Variants in HIPK1 observed in about 807,000 individuals in gnomAD.
HIPK1 encodes the protein homeodomain interacting protein kinase 1.
HIPK1 carries 28 observed loss-of-function variants against 117.1 expected under a neutral mutation model. The ratio of observed to expected loss-of-function variants is 0.24; its 90% CI spans 0.18 to 0.33. HIPK1 has a LOEUF of 0.33. HIPK1 is among the 10% of genes least tolerant of loss of function. HIPK1 has a pLI of 1.00. For synonymous variants in HIPK1, 605 were observed against 562.5 expected (o/e 1.08, Z -1.07); for missense variants, 1,122 against 1,475.1 (o/e 0.76, Z 3.92).
intron 14 of HIPK1, among the ~76,000 whole-genome samples, chr1:113,970,619 C>T (rs1303517265): frequency 6.6e-6 from 1 of 151,950 alleles, no homozygotes. Flanking sequence ...TTTTTCTCAC[C>T]CAGTGTCATA....
rs1333089517 is a variant in HIPK1 at position 113,974,146 on chromosome 1, A to G, written c.*634A>G. On this transcript the variant is annotated 3_prime_UTR_variant, in exon 16 of 16. Transcript: ENST00000426820. ...GTTATTTTTGCAAAACTGGTTACGT[A>G]TTACTCTGTGTTACTATTGAGATTC... The G allele has an allele frequency of 6.6e-6, 1 of 152,260 alleles. No individual in the cohort carries two copies. Among genetic ancestry groups the G allele is most frequent in the Non-Finnish European group, 1.5e-5 (1 of 68,016 alleles). The allele number at this position is 152,260 out of a possible 1,614,324, so 9.4% of individuals were successfully genotyped here.
chr1:113,939,362 T>A (rs943281181), intron 1 of HIPK1, among the ~76,000 whole-genome samples: 1 of 151,750 alleles, frequency 6.6e-6, no homozygotes, highest in African/African-American at 2.4e-5. Context: ...GTTGTTTGTT[T>A]GTTTTAGAGA....
chr1:113,954,128 T>A (rs1671551989), intron 3 of HIPK1, among the ~76,000 whole-genome samples: 2 of 152,098 alleles, frequency 1.3e-5, no homozygotes, highest in African/African-American at 4.8e-5. Flanking sequence ...GCCTAGCTAA[T>A]TCTTTTATTT....
Position 113,929,368 on chromosome 1 carries a change from A to G in HIPK1, c.-167A>G, listed in dbSNP as rs1428046632. Reference sequence around the variant, plus strand: ...CCGTACCACCGCCAGGCACCTTTAAATCACCGCAGAGTCTGCAGTGCGGAG... The same window carrying G: ...CCGTACCACCGCCAGGCACCTTTAAGTCACCGCAGAGTCTGCAGTGCGGAG... On this transcript the variant is annotated 5_prime_UTR_variant, in exon 1 of 16. Transcript: ENST00000426820. 7.8e-7 allele frequency: 1 copy of G among 1,289,434 alleles called. No homozygotes were observed. The allele number at this position is 1,289,434 out of a possible 1,614,324, so 79.9% of individuals were successfully genotyped here. A position where few individuals can be genotyped will look rare whatever the true frequency, so the allele number is the denominator to read the frequency against.
intron 12 of HIPK1, 115 bp downstream of exon 12, chr1:113,968,063 C>A: frequency 1.1e-6 from 1 of 876,978 alleles, no homozygotes; most frequent in Admixed American, 3.1e-5. Context: ...AAGTAGCTGC[C>A]AAATTGAGGA....
At chr1:113,958,799 TA>T (rs2101373375) in intron 8 of HIPK1, among the ~76,000 whole-genome samples, 1 of 152,314 alleles carries the variant, frequency 6.6e-6, no homozygotes, top group South Asian at 2.1e-4. Context: ...TTTATTGAAC[TA>T]AAAAATCCTA....
intron 9 of HIPK1, 37 bp downstream of exon 9, chr1:113,962,475 A>G (rs1325426651): frequency 3.1e-6 from 5 of 1,595,672 alleles, no homozygotes; most frequent in Admixed American, 1.7e-5. Context: ...CAGTATTGCT[A>G]AACACTATTG....
chr1:113,942,307 C>T (rs1388483714), intron 2 of HIPK1, among the ~76,000 whole-genome samples: 2 of 152,092 alleles, frequency 1.3e-5, no homozygotes, highest in African/African-American at 4.8e-5. Flanking sequence ...GTGATCCACC[C>T]GCCTCAGCCT....
intron 8 of HIPK1, among the ~76,000 whole-genome samples, chr1:113,958,756 A>G (rs1442898874): frequency 1.3e-5 from 2 of 152,262 alleles, no homozygotes; most frequent in Non-Finnish European, 2.9e-5. Context: ...ATGTGGAAAC[A>G]TCTTAAATTA....
chr1:113,948,765 G>A (rs1671150056), intron 2 of HIPK1, among the ~76,000 whole-genome samples: 1 of 151,854 alleles, frequency 6.6e-6, no homozygotes, highest in East Asian at 1.9e-4. Context: ...GGACTTGGGG[G>A]CTGTGGAAGT....
intron 13 of HIPK1, among the ~76,000 whole-genome samples, chr1:113,969,652 G>A (rs958265830): frequency 1.3e-5 from 2 of 152,182 alleles, no homozygotes; most frequent in East Asian, 3.9e-4. Context: ...GCTCATGCCT[G>A]CAATCCTAGC....
Position 113,973,037 on chromosome 1 carries a change from C to T in HIPK1, c.3158C>T (p.Ser1053Leu), listed in dbSNP as rs1311663745. 8.6e-6 allele frequency: 13 copies of T among 1,516,078 alleles called. No homozygotes were observed. Among genetic ancestry groups the T allele is most frequent in the East Asian group, 2.3e-5 (1 of 43,986 alleles). The allele number at this position is 1,516,078 out of a possible 1,614,324, so 93.9% of individuals were successfully genotyped here. ...PLNLSQNQQS[S>L]AAPTSQERSS... ...TCTTTCTTCCAGAACCAGCAGTCATCGGCGGCTCCAACCTCACAGGAGAGA... is the reference window on the plus strand; with the variant it reads ...TCTTTCTTCCAGAACCAGCAGTCATTGGCGGCTCCAACCTCACAGGAGAGA... The change falls in exon 16 of 16, where the codon TCG becomes TTG. Residue 1053 changes from serine (S) to leucine (L), a missense_variant. Coordinates refer to ENST00000426820, the MANE Select transcript of HIPK1 (RefSeq NM_198268.3).
At position 113,971,824 on chromosome 1, in the gene HIPK1, G is replaced by A. The variant is rs746173927; in HGVS notation, c.3014G>A (p.Gly1005Asp). 1 of 1,586,906 alleles carries A rather than the reference G, an allele frequency of 6.3e-7. No individual in the cohort carries two copies. Among genetic ancestry groups the A allele is most frequent in the South Asian group, 1.2e-5 (1 of 85,056 alleles). The change falls in exon 15 of 16, where the codon GGT becomes GAT. Residue 1005 changes from glycine to aspartate, a missense_variant and splice_region_variant. Physicochemically the swap from Gly to Asp is moderately conservative, Grantham distance 94. This residue lies in a region of HIPK1 where 731 missense variants were observed against 860.4 expected (regional missense o/e 0.85). Coordinates refer to ENST00000426820, the MANE Select transcript of HIPK1 (RefSeq NM_198268.3). ...ACTATTAAGCCTGGTGCTTTTTTAG[G>A]TCTCCTGAGCAATAAGACTAAGCCA... The part of the protein sequence containing the change: ...GDCTVATQAS[G>D]LLSNKTKPVA...
intron 1 of HIPK1, among the ~76,000 whole-genome samples, chr1:113,937,866 G>C (rs1670352845): frequency 6.6e-6 from 1 of 152,044 alleles, no homozygotes; most frequent in Non-Finnish European, 1.5e-5. Context: ...ACTAAAGAAA[G>C]AAAGGCAGTG....
Position 113,973,678 on chromosome 1 carries a change from C to T in HIPK1, c.*166C>T. On this transcript the variant is annotated 3_prime_UTR_variant, in exon 16 of 16. Coordinates refer to ENST00000426820, the MANE Select transcript of HIPK1 (RefSeq NM_198268.3). ...AAGGTTTTTCTCTGGGGGAACCTGT[C>T]TCAGTGTTGACTGCATTGTTGTAGT... 1.4e-6 allele frequency: 1 copy of T among 689,886 alleles called. No homozygotes were observed. Among genetic ancestry groups the T allele is most frequent in the Non-Finnish European group, 2.3e-6 (1 of 436,162 alleles). 42.7% of individuals were successfully genotyped at this position (689,886 alleles called of 1,614,324 possible).
chr1:113,930,230 G>A (rs975399163), intron 1 of HIPK1, among the ~76,000 whole-genome samples: 1 of 152,382 alleles, frequency 6.6e-6, no homozygotes. Context: ...AAGTGACAGG[G>A]GACCGCCTTG....
At chr1:113,962,660 AT>A (rs1333973660) in intron 9 of HIPK1, among the ~76,000 whole-genome samples, 2 of 152,184 alleles carry the variant, frequency 1.3e-5, no homozygotes, top group African/African-American at 4.8e-5. Flanking sequence ...ATATCCAGAC[AT>A]TCTTGAGAAA....
chr1:113,957,920 T>G (rs1671833150), intron 7 of HIPK1, 146 bp from the exon 8 acceptor site: 3 of 652,392 alleles, frequency 4.6e-6, no homozygotes, highest in Non-Finnish European at 7.8e-6. Flanking sequence ...CTAGGGAAGT[T>G]TCTTAAGCAG....
At position 113,969,890 on chromosome 1, in the gene HIPK1, GAAC is replaced by G. The variant is rs1211757111; in HGVS notation, c.2772-63_2772-61del. The G allele has an allele frequency of 1.1e-5, 17 of 1,578,058 alleles. No homozygotes were observed. The Admixed American group carries it at 2.9e-4, about 27-fold the overall frequency. On this transcript the variant is annotated intron_variant, in intron 13 of 15. Coordinates refer to ENST00000426820, the MANE Select transcript of HIPK1 (RefSeq NM_198268.3). ...CCACTGCACTCCAGCCTGGGTGACA[GAAC>G]AAGACGCTGTCACACACACAAAAAA...
Sources: gnomAD v4.1 joint callset for allele counts (sites outside exome capture counted in the v4.1 genomes callset) on GRCh38, gnomAD v4.1.1 for gene constraint, gnomAD v4.1.1 regional missense constraint, MANE v1.5 for transcripts, NCBI Gene and HGNC (gene_info 2026-07-23, HGNC 2026-07-21) for gene names.